The following ARHGEF11 variants were observed in gnomAD, a reference collection of about 807,000 sequenced individuals.
The protein encoded by ARHGEF11 is Rho guanine exchange factor (GEF) 11.
A neutral mutation model predicts 193.7 loss-of-function variants in ARHGEF11; 55 were observed. That is an observed-to-expected ratio of 0.28 (90% CI 0.23 to 0.36). ARHGEF11 has a LOEUF of 0.36. Ranked by LOEUF, ARHGEF11 falls within the 10% of genes least tolerant of loss-of-function variation. ARHGEF11 has a pLI of 1.00. For missense variants in ARHGEF11, 1,723 were observed against 2,005.6 expected, an observed-to-expected ratio of 0.86 and a Z score of 2.69; for synonymous variants, 693 against 768.0, an observed-to-expected ratio of 0.90 and a Z score of 1.62.
At position 156,971,747 on chromosome 1, in the gene ARHGEF11, G is replaced by C; in HGVS notation, c.652C>G (p.Arg218Gly). Residue 218 changes from arginine to glycine, a missense_variant, in exon 8 of 41, where the codon CGA (arginine) becomes GGA (glycine). By Grantham distance (125) the Arg-to-Gly change is moderately radical. Around this residue, in one of 5 missense-constraint regions of ARHGEF11, gnomAD observed 646 missense variants for 710.7 expected, o/e 0.91. Coordinates refer to ENST00000368194, the MANE Select transcript of ARHGEF11 (RefSeq NM_198236.3). The part of the protein sequence containing the change: ...LEEQIEGARR[R>G]VTQLQLKIQQ... Reference sequence around the variant, plus strand: ...ATCTTCAGCTGTAACTGAGTGACTCGCCGCCGGGCACCTTCGATCTGCTCT... The same window carrying C: ...ATCTTCAGCTGTAACTGAGTGACTCCCCGCCGGGCACCTTCGATCTGCTCT... 1.2e-6 allele frequency: 2 copies of C among 1,613,914 alleles called. No homozygotes were observed. The highest frequency in any genetic ancestry group is 1.7e-6 in the Non-Finnish European group (2 of 1,179,994).
chr1:157,044,728 T>TA lies in ARHGEF11; in HGVS notation c.-399dup, dbSNP rs1475871727. 8 of 403,286 alleles carry TA rather than the reference T, an allele frequency of 2.0e-5. No homozygotes were observed. The highest frequency in any genetic ancestry group is 1.6e-4 in the African/African-American group (8 of 48,630). 25.0% of individuals were successfully genotyped at this position (403,286 alleles called of 1,614,324 possible). On this transcript the variant is annotated 5_prime_UTR_variant, in exon 1 of 41. An upstream open reading frame in the 5' UTR loses its in-frame stop. Coordinates refer to ENST00000368194, the MANE Select transcript of ARHGEF11 (RefSeq NM_198236.3). ...ATCACTGTTAACTGCAAAGTACAGA[T>TA]AAAACCATCCTTTAAATCCAGCTTT...
intron 1 of ARHGEF11, among the ~76,000 whole-genome samples, chr1:157,041,521 T>C (rs1365817042): frequency 2.0e-5 from 3 of 152,216 alleles, no homozygotes; most frequent in Admixed American, 6.5e-5. Context: ...TCCAAATACA[T>C]AGTCCTTTAT....
chr1:156,979,314 A>G, intron 4 of ARHGEF11, 28 bp from the exon 5 acceptor site: 3 of 1,587,492 alleles, frequency 1.9e-6, no homozygotes, highest in Non-Finnish European at 2.6e-6. Context: ...AGTATTGAGT[A>G]ATGGTAATGA....
Position 157,012,843 on chromosome 1 carries a change from G to A in ARHGEF11, c.33-26670C>T, listed in dbSNP as rs1395952158. Among the ~76,000 whole-genome samples the A allele has an allele frequency of 4.6e-5, 7 of 152,084 alleles. 1 individual carries two copies. The highest frequency in any genetic ancestry group is 3.9e-4 in the Admixed American group (6 of 15,268). On this transcript the variant is annotated intron_variant, in intron 1 of 40. Transcript: ENST00000368194. ...AGTTTTAGTTGCAATCATCATCACC[G>A]CCATCCTCATCATTTCTTGGCCATT... is the stretch of plus-strand genomic sequence containing the variant.
intron 1 of ARHGEF11, among the ~76,000 whole-genome samples, chr1:157,016,753 T>G (rs896269474): frequency 5.9e-5 from 9 of 152,200 alleles, no homozygotes; most frequent in Non-Finnish European, 1.3e-4. Flanking sequence ...TGTTGTTCCT[T>G]ATCTCATCCT....
At chr1:157,006,155 G>A (rs1667795440) in intron 1 of ARHGEF11, among the ~76,000 whole-genome samples, 1 of 151,810 alleles carries the variant, frequency 6.6e-6, no homozygotes. Context: ...TTTTGGTAGA[G>A]ATAGGGTCTT....
At chr1:157,029,471 C>T (rs549604471) in intron 1 of ARHGEF11, among the ~76,000 whole-genome samples, 1 of 152,186 alleles carries the variant, frequency 6.6e-6, no homozygotes, top group African/African-American at 2.4e-5. Flanking sequence ...GGGGTTTCAC[C>T]ATGTTGGTTA....
Position 156,986,167 on chromosome 1 carries a change from A to C in ARHGEF11, c.39T>G (p.Ser13Arg). 6.2e-7 allele frequency: 1 copy of C among 1,613,598 alleles called. No homozygotes were observed. The highest frequency in any genetic ancestry group is 8.5e-7 in the Non-Finnish European group (1 of 1,179,656). ...CAGAATCTCCCAGAGAAGACAGGCT[A>C]CTTAACCTGGAGAAGGAGTAAGGAA... ...VRLPQSIDRLSSLSSLGDSAP... is the reference protein window; with the variant it reads ...VRLPQSIDRLRSLSSLGDSAP... The change falls in exon 2 of 41, where the codon AGT becomes AGG. Residue 13 changes from serine to arginine, a missense_variant. This residue lies in a region of ARHGEF11 where 646 missense variants were observed against 710.7 expected (regional missense o/e 0.91). Transcript: ENST00000368194.
In ARHGEF11 at chr1:156,947,863, T is replaced by C. The variant is rs1305182527; in HGVS notation, c.2247A>G (p.Pro749=). ...GCTGCCAATTTTGGGCATCTGGCTC[T>C]GGCTCCAGGTCAGACAGCTGGCCCA... ...DDLGQLSDLE[P]EPDAQNWQHT... is the part of the protein sequence containing the mutation. The change falls in exon 25 of 41, where the codon CCA becomes CCG. Residue 749 remains proline, a synonymous_variant. Coordinates refer to ENST00000368194, the MANE Select transcript of ARHGEF11 (RefSeq NM_198236.3). 1 of 1,614,190 alleles carries C rather than the reference T, an allele frequency of 6.2e-7. No homozygotes were observed. Among genetic ancestry groups the C allele is most frequent in the Admixed American group, 1.7e-5 (1 of 60,028 alleles).
At chr1:156,981,534 C>T (rs900056947) in intron 3 of ARHGEF11, among the ~76,000 whole-genome samples, 3 of 152,266 alleles carry the variant, frequency 2.0e-5, no homozygotes, top group African/African-American at 2.4e-5. Flanking sequence ...TGGAGTGCAG[C>T]GGTGCGATTT....
intron 1 of ARHGEF11, among the ~76,000 whole-genome samples, chr1:157,027,522 C>T (rs2102971600): frequency 6.6e-6 from 1 of 152,200 alleles, no homozygotes; most frequent in South Asian, 2.1e-4. Context: ...AAAGAAGAAA[C>T]CCACATCAAG....
chr1:156,989,875 A>AT (rs774664345), intron 1 of ARHGEF11, among the ~76,000 whole-genome samples: 1 of 152,158 alleles, frequency 6.6e-6, no homozygotes, highest in African/African-American at 2.4e-5. Context: ...ATGTTTATAC[A>AT]TTTTTTCTCA....
At chr1:156,998,308 T>C (rs1195458316) in intron 1 of ARHGEF11, among the ~76,000 whole-genome samples, 1 of 152,166 alleles carries the variant, frequency 6.6e-6, no homozygotes, top group Non-Finnish European at 1.5e-5. Flanking sequence ...GCATAGGTAT[T>C]GGCACAAGCT....
rs533489329 is a variant in ARHGEF11 at position 157,038,715 on chromosome 1, G to A, written c.32+5584C>T. On this transcript the variant is annotated intron_variant, in intron 1 of 40. Coordinates refer to ENST00000368194, the MANE Select transcript of ARHGEF11 (RefSeq NM_198236.3). ...CAATTGTTTTAGTACAATAAATTGG[G>A]GTATTCTTCCAGACCTTAAGAACAC... 2.0e-5 allele frequency among the ~76,000 whole-genome samples: 3 copies of A among 152,246 alleles called. No homozygotes were observed. In the South Asian group the frequency reaches 6.2e-4, roughly 32 times the overall value.
At chr1:157,011,103 C>T (rs1446452994) in intron 1 of ARHGEF11, among the ~76,000 whole-genome samples, 1 of 152,130 alleles carries the variant, frequency 6.6e-6, no homozygotes, top group Non-Finnish European at 1.5e-5. Flanking sequence ...TACCAGAAAG[C>T]TACAGTAAGC....
Position 156,945,153 on chromosome 1 carries a change from A to T in ARHGEF11, c.2857T>A (p.Cys953Ser). ...HEKLCRARDQ[C>S]REILKYVNEA... ...TTCACATACTTGAGAATCTCCCGGC[A>T]CTGGTCCCGGGCCCGGCACAGCTTC... Residue 953 changes from cysteine (C) to serine (S), a missense_variant, in exon 30 of 41, where the codon TGC becomes AGC. Physicochemically the swap from Cys to Ser is moderately radical, Grantham distance 112 (BLOSUM62 -1). Around this residue, in one of 5 missense-constraint regions of ARHGEF11, gnomAD observed 491 missense variants for 654.5 expected, o/e 0.75. Transcript: ENST00000368194. 1 of 1,614,142 alleles carries T rather than the reference A, an allele frequency of 6.2e-7. No homozygotes were observed. The highest frequency in any genetic ancestry group is 2.2e-5 in the East Asian group (1 of 44,880).
intron 29 of ARHGEF11, 116 bp downstream of exon 29, chr1:156,945,929 C>T (rs915662969): frequency 8.2e-5 from 62 of 755,792 alleles, no homozygotes; most frequent in Admixed American, 4.9e-4. Flanking sequence ...AGAAAAAGGA[C>T]GAAGACACCA....
At chr1:156,938,389 G>C in intron 38 of ARHGEF11, 29 bp downstream of exon 38, 3 of 1,605,186 alleles carry the variant, frequency 1.9e-6, no homozygotes, top group Non-Finnish European at 1.7e-6. Flanking sequence ...GTCTTGGCCT[G>C]TCTTTAGCTC....
intron 20 of ARHGEF11, among the ~76,000 whole-genome samples, chr1:156,955,177 T>G (rs946069390): frequency 3.9e-5 from 6 of 152,044 alleles, no homozygotes; most frequent in Admixed American, 3.9e-4. Context: ...CAGCAACAAT[T>G]TCCAGACAAA....
Sources: allele counts gnomAD v4.1 joint callset (sites outside exome capture counted in the v4.1 genomes callset), GRCh38; gene constraint gnomAD v4.1.1; regional missense constraint gnomAD v4.1.1; transcripts MANE v1.5; gene names NCBI Gene and HGNC (gene_info 2026-07-23, HGNC 2026-07-21).